The following SHISA9 variants were observed in gnomAD, a reference collection of about 807,000 sequenced individuals.
SHISA9 encodes the protein shisa family member 9.
SHISA9 carries 13 observed loss-of-function variants against 38.0 expected under a neutral mutation model. That is an observed-to-expected ratio of 0.34 (90% CI 0.22 to 0.54). The LOEUF (loss-of-function observed/expected upper bound fraction) is 0.54, where lower values mean the gene tolerates loss of function less well. Among genes scored for constraint, SHISA9 ranks in the 20% least tolerant of loss-of-function variants. The pLI is 0.91. For missense variants in SHISA9, 538 were observed against 575.8 expected, an observed-to-expected ratio of 0.93 and a Z score of 0.67; for synonymous variants, 275 against 242.0, an observed-to-expected ratio of 1.14 and a Z score of -1.27.
At chr16:13,457,653 T>G in the SHISA9 span, among the ~76,000 whole-genome samples, 1 of 151,602 alleles carries the variant, frequency 6.6e-6, no homozygotes, top group Non-Finnish European at 1.5e-5. Flanking sequence ...CTAGAGCCAT[T>G]TTACCATCCG....
the SHISA9 span, among the ~76,000 whole-genome samples, chr16:13,270,294 C>G: frequency 6.6e-6 from 1 of 152,072 alleles, no homozygotes; most frequent in Non-Finnish European, 1.5e-5. Flanking sequence ...ACAGACCCAA[C>G]AAGAGCAGGA....
intron 2 of SHISA9, among the ~76,000 whole-genome samples, chr16:12,947,640 C>T (rs1358187827): frequency 1.3e-5 from 2 of 152,120 alleles, no homozygotes; most frequent in Non-Finnish European, 2.9e-5. Flanking sequence ...AATCCACGGG[C>T]TATTTTTGTC....
the SHISA9 span, among the ~76,000 whole-genome samples, chr16:13,556,333 T>C: frequency 6.6e-6 from 1 of 152,180 alleles, no homozygotes; most frequent in Non-Finnish European, 1.5e-5. Flanking sequence ...TCGTTGGAAT[T>C]TGAACACAGT....
At chr16:13,314,069 C>G in the SHISA9 span, among the ~76,000 whole-genome samples, 1 of 152,126 alleles carries the variant, frequency 6.6e-6, no homozygotes, top group Non-Finnish European at 1.5e-5. Context: ...TTCCCAGCCT[C>G]TTCTCTTCTA....
chr16:13,180,467 G>C (rs976639787), intron 2 of SHISA9, among the ~76,000 whole-genome samples: 2 of 152,330 alleles, frequency 1.3e-5, no homozygotes, highest in South Asian at 4.1e-4. Context: ...GGAGGCCAAG[G>C]TGGGTGGATC....
the SHISA9 span, among the ~76,000 whole-genome samples, chr16:13,245,689 C>T: frequency 6.6e-6 from 1 of 152,104 alleles, no homozygotes; most frequent in Admixed American, 6.5e-5. Context: ...CTGATTGAAA[C>T]CTGGTTCTCT....
chr16:13,397,473 C>T, the SHISA9 span, among the ~76,000 whole-genome samples: 1 of 152,172 alleles, frequency 6.6e-6, no homozygotes, highest in African/African-American at 2.4e-5. Context: ...GCTGCCCGCC[C>T]CGCTGGGGTG....
At chr16:13,374,473 T>G in the SHISA9 span, among the ~76,000 whole-genome samples, 1 of 152,228 alleles carries the variant, frequency 6.6e-6, no homozygotes. Context: ...GCTTCATCCA[T>G]GTCCCTACAA....
At chr16:13,470,962 G>C in the SHISA9 span, among the ~76,000 whole-genome samples, 1 of 151,918 alleles carries the variant, frequency 6.6e-6, no homozygotes, top group Non-Finnish European at 1.5e-5. Flanking sequence ...TGAGGAAGTG[G>C]GAAAAATGAG....
the SHISA9 span, among the ~76,000 whole-genome samples, chr16:13,464,143 C>G: frequency 6.6e-6 from 1 of 152,190 alleles, no homozygotes; most frequent in Non-Finnish European, 1.5e-5. Context: ...TAGATTAACT[C>G]TGTGACTTTC....
At chr16:13,450,685 G>A in the SHISA9 span, among the ~76,000 whole-genome samples, 5 of 152,218 alleles carry the variant, frequency 3.3e-5, no homozygotes, top group Non-Finnish European at 5.9e-5. Flanking sequence ...GAAAACTGCA[G>A]ACTCAGAGAA....
the SHISA9 span, among the ~76,000 whole-genome samples, chr16:13,402,144 GA>G: frequency 1.3e-5 from 2 of 151,218 alleles, no homozygotes; most frequent in Non-Finnish European, 3.0e-5. Context: ...CATAGATATA[GA>G]AAAGGGAATT....
the SHISA9 span, among the ~76,000 whole-genome samples, chr16:13,375,257 C>T: frequency 1.9e-4 from 29 of 152,118 alleles, no homozygotes; most frequent in Non-Finnish European, 2.9e-4. Context: ...ATGCCTATGT[C>T]CTGAATGGTA....
At chr16:12,987,586 G>A (rs1473625463) in intron 2 of SHISA9, among the ~76,000 whole-genome samples, 2 of 152,140 alleles carry the variant, frequency 1.3e-5, no homozygotes, top group African/African-American at 2.4e-5. Flanking sequence ...ACACACCAGG[G>A]CCTGTCAGGG....
intron 2 of SHISA9, among the ~76,000 whole-genome samples, chr16:13,189,789 C>T (rs776461351): frequency 3.9e-5 from 6 of 152,184 alleles, no homozygotes; most frequent in Non-Finnish European, 7.3e-5. Context: ...TTTATCCTAA[C>T]GAGCTTGAGT....
At chr16:13,267,531 A>C in the SHISA9 span, among the ~76,000 whole-genome samples, 3 of 152,152 alleles carry the variant, frequency 2.0e-5, no homozygotes, top group Non-Finnish European at 4.4e-5. Flanking sequence ...TAATTCAACA[A>C]TTCTACCTCC....
chr16:13,501,342 C>T, the SHISA9 span, among the ~76,000 whole-genome samples: 4 of 151,940 alleles, frequency 2.6e-5, no homozygotes. Flanking sequence ...TGTGTGAAAA[C>T]AGAAACTACA....
At chr16:13,553,175 G>A in the SHISA9 span, among the ~76,000 whole-genome samples, 3 of 152,246 alleles carry the variant, frequency 2.0e-5, no homozygotes, top group East Asian at 1.9e-4. Flanking sequence ...AGCATTAAAT[G>A]ATGTGTTTTA....
chr16:13,257,095 T>C, the SHISA9 span, among the ~76,000 whole-genome samples: 2 of 152,226 alleles, frequency 1.3e-5, no homozygotes, highest in African/African-American at 4.8e-5. Flanking sequence ...TACGAAGTTT[T>C]GTAGGAGCAG....
Sources: allele counts gnomAD v4.1 joint callset (sites outside exome capture counted in the v4.1 genomes callset), GRCh38; gene constraint gnomAD v4.1.1; transcripts MANE v1.5; gene names NCBI Gene and HGNC (gene_info 2026-07-23, HGNC 2026-07-21).